The following NECAB2 variants were observed in gnomAD, a reference collection of about 807,000 sequenced individuals.
The protein encoded by NECAB2 is N-terminal EF-hand calcium binding protein 2.
In NECAB2, 68 loss-of-function variants were observed where a neutral mutation model predicts 51.9. The observed-to-expected ratio is 1.31, with a 90% CI of 1.08 to 1.60. The LOEUF is 1.60. Ranked by LOEUF, NECAB2 falls within the 40% of genes most tolerant of loss-of-function variation. The pLI is 0.00. For missense variants in NECAB2, 854 were observed against 490.3 expected (o/e 1.74, Z -7.00); for synonymous variants, 329 against 203.5 (o/e 1.62, Z -5.25).
At chr16:83,983,737 ATC>A (rs1344884906) in intron 5 of NECAB2, among the ~76,000 whole-genome samples, 1 of 152,156 alleles carries the variant, frequency 6.6e-6, no homozygotes, top group Admixed American at 6.6e-5. Context: ...CAAGAATTTT[ATC>A]TCTGTCTCCA....
intron 7 of NECAB2, 25 bp downstream of exon 7, chr16:83,994,445 G>T (rs1364991496): frequency 1.9e-6 from 3 of 1,611,612 alleles, no homozygotes; most frequent in Admixed American, 1.7e-5. Context: ...GGGCCCTGGT[G>T]GGGGTACCAG....
chr16:83,987,856 T>C (rs1038337931), intron 5 of NECAB2, among the ~76,000 whole-genome samples: 3 of 152,210 alleles, frequency 2.0e-5, no homozygotes, highest in Non-Finnish European at 2.9e-5. Flanking sequence ...GCACTTGACA[T>C]AGAGCAAAAT....
At chr16:83,983,950 C>G (rs1190925833) in intron 5 of NECAB2, among the ~76,000 whole-genome samples, 1 of 149,752 alleles carries the variant, frequency 6.7e-6, no homozygotes. Flanking sequence ...TACTTTTAGT[C>G]AACTTTTTCA....
chr16:83,996,071 C>T (rs2084694127), intron 8 of NECAB2, among the ~76,000 whole-genome samples: 1 of 152,218 alleles, frequency 6.6e-6, no homozygotes, highest in South Asian at 2.1e-4. Flanking sequence ...CCAATCCGGG[C>T]CTGGCTTCAG....
Position 83,997,246 on chromosome 16 carries a change from T to C in NECAB2, c.826T>C (p.Ser276Pro). 6.2e-7 allele frequency: 1 copy of C among 1,614,080 alleles called. No individual in the cohort carries two copies. Among genetic ancestry groups the C allele is most frequent in the Admixed American group, 1.7e-5 (1 of 60,008 alleles). The change falls in exon 9 of 13, where the codon TCA becomes CCA. Residue 276 changes from serine (S) to proline (P), a missense_variant. Transcript: ENST00000305202. ...GTGGTTCGACCTGCAGCAGCGCCTGTCAGATGAAGATGGCACCAACATGGT... is the reference window on the plus strand; with the variant it reads ...GTGGTTCGACCTGCAGCAGCGCCTGCCAGATGAAGATGGCACCAACATGGT... ...ALWFDLQQRL[S>P]DEDGTNMHLQ...
intron 6 of NECAB2, among the ~76,000 whole-genome samples, chr16:83,993,178 A>C: frequency 6.6e-6 from 1 of 152,182 alleles, no homozygotes; most frequent in Non-Finnish European, 1.5e-5. Context: ...GCCCCAGGAC[A>C]GTCTCCCAGG....
chr16:83,979,765 G>C (rs2084460831), intron 3 of NECAB2, among the ~76,000 whole-genome samples: 1 of 152,056 alleles, frequency 6.6e-6, no homozygotes, highest in South Asian at 2.1e-4. Context: ...TGGGGGTGCA[G>C]GGAGGACTCG....
upstream of NECAB2, among the ~76,000 whole-genome samples, chr16:83,967,324 C>G (rs765585326): frequency 6.6e-6 from 1 of 151,276 alleles, no homozygotes; most frequent in South Asian, 2.1e-4. Context: ...CTGCCTGGCA[C>G]CTAGTGGGTT....
In NECAB2 at chr16:84,002,677, G is replaced by A. The variant is rs1042415978; in HGVS notation, c.*331G>A. On this transcript the variant is annotated 3_prime_UTR_variant, in exon 13 of 13. Transcript: ENST00000305202. ...CTGACCACACCCTGCCCTCTTCGGTGACATTCTTCTACCTAGTAGGAGTCA... is the reference window on the plus strand; with the variant it reads ...CTGACCACACCCTGCCCTCTTCGGTAACATTCTTCTACCTAGTAGGAGTCA... 9.9e-6 allele frequency: 4 copies of A among 406,054 alleles called. No homozygotes were observed. Among genetic ancestry groups the A allele is most frequent in the South Asian group, 3.1e-5 (1 of 32,752 alleles). The allele number at this position is 406,054 out of a possible 1,614,324, so 25.2% of individuals were successfully genotyped here.
In NECAB2 at chr16:83,998,322, G is replaced by C. The variant is rs373482476; in HGVS notation, c.962+5G>C. ...TGGCGTGAGGAACTGCTTCCAGTGA[G>C]TGAGCTGCCGAGGCGTGGGTGGGAT... On this transcript the variant is annotated splice_donor_5th_base_variant and intron_variant, in intron 10 of 12. Transcript: ENST00000305202. The C allele has an allele frequency of 2.0e-5, 33 of 1,612,782 alleles. No homozygotes were observed. The highest frequency in any genetic ancestry group is 2.7e-5 in the Non-Finnish European group (32 of 1,179,748).
At chr16:84,001,012 G>A (rs1043368803) in intron 11 of NECAB2, among the ~76,000 whole-genome samples, 2 of 152,068 alleles carry the variant, frequency 1.3e-5, no homozygotes, top group Non-Finnish European at 2.9e-5. Context: ...ACACTCAGCT[G>A]GGCTTTCCTG....
At position 83,992,205 on chromosome 16, in the gene NECAB2, G is replaced by GT. The variant is rs1567674121; in HGVS notation, c.596+1578dup. Among the ~76,000 whole-genome samples the GT allele has an allele frequency of 4.1e-4, 63 of 151,850 alleles. No homozygotes were observed. The South Asian group carries it at 0.012, about 29-fold the overall frequency. Reference sequence around the variant, plus strand: ...ACTGAAAGAGACGTGAAAGAGGAGTGTTTCTTTCTGGTCTTGTGTTAGGCC... The same window carrying GT: ...ACTGAAAGAGACGTGAAAGAGGAGTGTTTTCTTTCTGGTCTTGTGTTAGGCC... On this transcript the variant is annotated intron_variant, in intron 6 of 12. Transcript: ENST00000305202.
At chr16:83,993,951 C>T (rs1442578751) in intron 6 of NECAB2, among the ~76,000 whole-genome samples, 1 of 152,150 alleles carries the variant, frequency 6.6e-6, no homozygotes, top group Non-Finnish European at 1.5e-5. Flanking sequence ...GGTCACTCCA[C>T]AGCTTGGGCT....
rs2084811530 is a variant in NECAB2 at position 84,000,673 on chromosome 16, G to A, written c.963-51G>A. On this transcript the variant is annotated intron_variant, in intron 10 of 12. Coordinates refer to ENST00000305202, the MANE Select transcript of NECAB2 (RefSeq NM_019065.3). ...GCCACCCCAGGGGAACAGCACTGAGGTGGCCTTGGTTGAGCTCCAGCCTCC... is the reference window on the plus strand; with the variant it reads ...GCCACCCCAGGGGAACAGCACTGAGATGGCCTTGGTTGAGCTCCAGCCTCC... 3 of 1,551,084 alleles carry A rather than the reference G, an allele frequency of 1.9e-6. No individual in the cohort carries two copies. The African/African-American group carries it at 4.1e-5, about 21-fold the overall frequency.
intron 6 of NECAB2, among the ~76,000 whole-genome samples, chr16:83,992,377 T>TCCCCCCCCCCCCCCC (rs60014664): frequency 1.5e-5 from 2 of 133,044 alleles, no homozygotes; most frequent in African/African-American, 6.4e-5. Flanking sequence ...CGAGCACCCG[T>TCCCCCCCCCCCCCCC]CCCCCCGCCC....
At chr16:84,001,534 A>C (rs536083396) in intron 11 of NECAB2, among the ~76,000 whole-genome samples, 2 of 152,212 alleles carry the variant, frequency 1.3e-5, no homozygotes, top group African/African-American at 4.8e-5. Flanking sequence ...CAGGCAGAGG[A>C]TGGCCCCACT....
At chr16:83,983,177 C>A (rs1271689324) in intron 5 of NECAB2, among the ~76,000 whole-genome samples, 1 of 152,140 alleles carries the variant, frequency 6.6e-6, no homozygotes, top group East Asian at 1.9e-4. Flanking sequence ...CTTTTGCTTG[C>A]GTATTTCCTA....
chr16:83,994,243 A>G, intron 6 of NECAB2, 59 bp from the exon 7 acceptor site: 2 of 1,461,716 alleles, frequency 1.4e-6, no homozygotes, highest in Admixed American at 3.4e-5. Flanking sequence ...AGATGCTGGA[A>G]GTGGTAAGGG....
intron 2 of NECAB2, among the ~76,000 whole-genome samples, chr16:83,978,144 T>C (rs748415792): frequency 6.6e-6 from 1 of 152,182 alleles, no homozygotes; most frequent in African/African-American, 2.4e-5. Flanking sequence ...AGCTATTGCA[T>C]TATTGTTAGT....
Sources: allele counts gnomAD v4.1 joint callset (sites outside exome capture counted in the v4.1 genomes callset), GRCh38; gene constraint gnomAD v4.1.1; transcripts MANE v1.5; gene names NCBI Gene and HGNC (gene_info 2026-07-23, HGNC 2026-07-21).